The following VDAC1 variants were observed in gnomAD, a reference collection of about 807,000 sequenced individuals.
The protein encoded by VDAC1 is non-selective voltage-gated ion channel VDAC1.
A neutral mutation model predicts 34.7 loss-of-function variants in VDAC1; 10 were observed. That is an observed-to-expected ratio of 0.29 (90% CI 0.18 to 0.49). VDAC1 has a LOEUF of 0.49. VDAC1 is among the 20% of genes least tolerant of loss of function. The pLI is 0.99. For missense variants in VDAC1, 230 were observed against 347.9 expected (o/e 0.66, Z 2.69); for synonymous variants, 130 against 136.0 (o/e 0.96, Z 0.30).
chr5:133,979,423 G>GTTTTTTTTTTTTTT (rs1561583199), intron 6 of VDAC1, among the ~76,000 whole-genome samples: 1 of 59,290 alleles, frequency 1.7e-5, no homozygotes. Flanking sequence ...TATTTTCTTT[G>GTTTTTTTTTTTTTT]CTTTTTTTTT....
intron 5 of VDAC1, among the ~76,000 whole-genome samples, chr5:133,987,077 G>A (rs1048286931): frequency 2.0e-5 from 3 of 152,308 alleles, no homozygotes; most frequent in African/African-American, 7.2e-5. Context: ...TACCATTTGA[G>A]GCCAGGTGTG....
At chr5:133,990,830 T>C in intron 5 of VDAC1, 25 bp downstream of exon 5, 1 of 1,524,412 alleles carries the variant, frequency 6.6e-7, no homozygotes, top group Non-Finnish European at 8.8e-7. Flanking sequence ...AACATCCTTG[T>C]GGAGAAAACA....
At chr5:133,989,483 C>T (rs1382616577) in intron 5 of VDAC1, among the ~76,000 whole-genome samples, 1 of 151,830 alleles carries the variant, frequency 6.6e-6, no homozygotes, top group Non-Finnish European at 1.5e-5. Context: ...CCTCAGCATC[C>T]CAAGTATCTG....
At chr5:134,107,379 G>C in the VDAC1 span, among the ~76,000 whole-genome samples, 56 of 152,354 alleles carry the variant, frequency 3.7e-4, no homozygotes, top group Non-Finnish European at 1.9e-4. Context: ...CTGACTGCTA[G>C]ACGTGCTTCC....
chr5:133,983,692 A>G (rs1752788168), intron 5 of VDAC1, among the ~76,000 whole-genome samples: 2 of 152,218 alleles, frequency 1.3e-5, no homozygotes, highest in African/African-American at 4.8e-5. Flanking sequence ...GTCTTGAAAC[A>G]AAATCACCAC....
chr5:134,097,646 C>A, the VDAC1 span, among the ~76,000 whole-genome samples: 3 of 152,168 alleles, frequency 2.0e-5, no homozygotes, highest in South Asian at 6.2e-4. Context: ...GCAGCCCTCA[C>A]CCACGGTGGA....
At chr5:134,033,318 C>T in the VDAC1 span, among the ~76,000 whole-genome samples, 1 of 151,564 alleles carries the variant, frequency 6.6e-6, no homozygotes, top group African/African-American at 2.4e-5. Context: ...CCAGCATGCC[C>T]GGCTAATTTT....
chr5:133,976,084 T>C, intron 6 of VDAC1, 63 bp from the exon 7 acceptor site: 1 of 1,598,202 alleles, frequency 6.3e-7, no homozygotes, highest in Non-Finnish European at 8.6e-7. Flanking sequence ...CCCAGACAGA[T>C]CCACCCAAGT....
the VDAC1 span, among the ~76,000 whole-genome samples, chr5:134,033,885 G>A: frequency 5.9e-5 from 9 of 152,076 alleles, no homozygotes; most frequent in Middle Eastern, 6.8e-3. Flanking sequence ...CCAGCTACTT[G>A]GGAGGCTGAG....
chr5:134,040,185 C>G, the VDAC1 span, among the ~76,000 whole-genome samples: 10 of 152,362 alleles, frequency 6.6e-5, no homozygotes, highest in Non-Finnish European at 1.0e-4. Flanking sequence ...AACCCCAACA[C>G]TTTGGGAGGC....
the VDAC1 span, among the ~76,000 whole-genome samples, chr5:134,092,110 G>A: frequency 7.1e-4 from 108 of 152,308 alleles, no homozygotes; most frequent in Non-Finnish European, 1.2e-3. Context: ...AAGGCTCATT[G>A]TGATTAACTC....
chr5:134,105,256 G>A, the VDAC1 span, among the ~76,000 whole-genome samples: 2 of 152,162 alleles, frequency 1.3e-5, no homozygotes, highest in Admixed American at 6.5e-5. Context: ...GAGGCCAGGG[G>A]AGGCCTCCAA....
chr5:134,093,918 G>A, the VDAC1 span, among the ~76,000 whole-genome samples: 1 of 152,248 alleles, frequency 6.6e-6, no homozygotes, highest in South Asian at 2.1e-4. Context: ...ATTCTGGGAA[G>A]CACTGTGAGA....
At chr5:134,039,421 T>C in the VDAC1 span, among the ~76,000 whole-genome samples, 18 of 152,280 alleles carry the variant, frequency 1.2e-4, no homozygotes, top group Non-Finnish European at 2.2e-4. Context: ...CTCTGCCTCC[T>C]GGGTTCTGGC....
chr5:133,990,415 A>C (rs1236457665), intron 5 of VDAC1, among the ~76,000 whole-genome samples: 4 of 152,232 alleles, frequency 2.6e-5, no homozygotes, highest in Non-Finnish European at 5.9e-5. Flanking sequence ...TGAAATGGCT[A>C]TTACTGAACA....
chr5:134,049,964 C>G, the VDAC1 span, among the ~76,000 whole-genome samples: 1 of 152,110 alleles, frequency 6.6e-6, no homozygotes, highest in African/African-American at 2.4e-5. Context: ...ACTAAATCCA[C>G]CACCGCCCAG....
the VDAC1 span, among the ~76,000 whole-genome samples, chr5:134,106,412 C>CTA: frequency 0.92 from 137,824 of 149,944 alleles, 63,464 homozygotes; most frequent in African/African-American, 0.98. Context: ...TGTTGTCATC[C>CTA]TCTTTTTTTT....
chr5:134,009,361 A>C (rs1753798973), upstream of VDAC1, among the ~76,000 whole-genome samples: 5 of 143,290 alleles, frequency 3.5e-5, no homozygotes, highest in Middle Eastern at 0.021. Context: ...GTCCTGGTTC[A>C]AGCAATTCTG....
At chr5:134,076,468 C>T in the VDAC1 span, among the ~76,000 whole-genome samples, 3 of 152,192 alleles carry the variant, frequency 2.0e-5, no homozygotes, top group Non-Finnish European at 2.9e-5. Context: ...TGTCTGTCTC[C>T]TGATCTGCCC....
Sources: gnomAD v4.1 joint callset for allele counts (sites outside exome capture counted in the v4.1 genomes callset) on GRCh38, gnomAD v4.1.1 for gene constraint, MANE v1.5 for transcripts, NCBI Gene and HGNC (gene_info 2026-07-23, HGNC 2026-07-21) for gene names.